The following PRKCZ variants were observed in gnomAD, a reference collection of about 807,000 sequenced individuals.
The protein encoded by PRKCZ is protein kinase C zeta type.
A neutral mutation model predicts 79.5 loss-of-function variants in PRKCZ; 33 were observed. The observed-to-expected ratio is 0.41, with a 90% confidence interval of 0.31 to 0.55. PRKCZ has a LOEUF of 0.55. Ranked by LOEUF, PRKCZ falls within the 20% of genes least tolerant of loss-of-function variation. The pLI, the probability that PRKCZ is intolerant of heterozygous loss-of-function variation, is 0.19. For missense variants in PRKCZ, 578 were observed against 813.5 expected (o/e 0.71, Z 3.52); for synonymous variants, 342 against 320.9 (o/e 1.07, Z -0.70).
intron 9 of PRKCZ, among the ~76,000 whole-genome samples, chr1:2,152,666 T>G (rs747521845): frequency 6.6e-6 from 1 of 152,200 alleles, no homozygotes; most frequent in Non-Finnish European, 1.5e-5. Context: ...CCATACCCAC[T>G]CCCTGCTTCT....
rs1685036069 is a variant in PRKCZ at position 2,174,339 on chromosome 1, C to T, written c.1405+323C>T. Among the ~76,000 whole-genome samples the T allele has an allele frequency of 6.6e-6, 1 of 152,230 alleles. No individual in the cohort carries two copies. Among genetic ancestry groups the T allele is most frequent in the Non-Finnish European group, 1.5e-5 (1 of 68,038 alleles). On this transcript the variant is annotated intron_variant, in intron 14 of 17. Transcript: ENST00000378567. This position sits in a 1 kb window ranked among gnomAD's most constrained non-coding sequence, Gnocchi z 6.2. ...ACCGAGCTGAAAGCACAGCCCCCAC[C>T]CCCAAAACCCACAGCCACCATCATG... is the stretch of plus-strand genomic sequence containing the variant.
At chr1:2,062,707 C>CG (rs1022477612) in intron 4 of PRKCZ, among the ~76,000 whole-genome samples, 3 of 151,874 alleles carry the variant, frequency 2.0e-5, no homozygotes, top group African/African-American at 7.3e-5. Context: ...AGGCTAGTCT[C>CG]GAACTCCTGG....
chr1:2,169,608 G>A lies in PRKCZ; in HGVS notation c.1061+4G>A. 2 of 1,500,026 alleles carry A rather than the reference G, an allele frequency of 1.3e-6. No individual in the cohort carries two copies. The highest frequency in any genetic ancestry group is 1.8e-6 in the Non-Finnish European group (2 of 1,115,506). 92.9% of individuals were successfully genotyped at this position (1,500,026 alleles called of 1,614,324 possible). On this transcript the variant is annotated splice_donor_region_variant and intron_variant, in intron 11 of 17. Coordinates refer to ENST00000378567, the MANE Select transcript of PRKCZ (RefSeq NM_002744.6). ...AGCTCCCTGAGGAGCACGCCAGGTG[G>A]GTGCGCGTGGACGGGGCCGGGTGGG...
In PRKCZ at chr1:2,165,108, G is replaced by A. The variant is rs544443471; in HGVS notation, c.975-4410G>A. 6.6e-6 allele frequency among the ~76,000 whole-genome samples: 1 copy of A among 152,322 alleles called. No individual in the cohort carries two copies. The highest frequency in any genetic ancestry group is 1.5e-5 in the Non-Finnish European group (1 of 68,034). On this transcript the variant is annotated intron_variant, in intron 10 of 17. Coordinates refer to ENST00000378567, the MANE Select transcript of PRKCZ (RefSeq NM_002744.6). This position sits in a 1 kb window ranked among gnomAD's most constrained non-coding sequence, Gnocchi z 4.1. ...TTTATCTTTGATGGAGAAATCCGAGGCCTGCCAGCATCCCCACCAGTAGAT... is the reference window on the plus strand; with the variant it reads ...TTTATCTTTGATGGAGAAATCCGAGACCTGCCAGCATCCCCACCAGTAGAT...
In PRKCZ at chr1:2,173,919, G is replaced by T. The variant is rs201456573; in HGVS notation, c.1308G>T (p.Ala436=). 1.2e-6 allele frequency: 2 copies of T among 1,612,012 alleles called. No individual in the cohort carries two copies. The highest frequency in any genetic ancestry group is 1.7e-6 in the Non-Finnish European group (2 of 1,179,012). The change falls in exon 14 of 18, where the codon GCG becomes GCT. Residue 436 remains alanine (A), a synonymous_variant. Coordinates refer to ENST00000378567, the MANE Select transcript of PRKCZ (RefSeq NM_002744.6). This position sits in a 1 kb window ranked among gnomAD's most constrained non-coding sequence, Gnocchi z 5.7. ...CAGGGTTCAGCGTGGACTGGTGGGC[G>T]CTGGGAGTCCTCATGTTTGAGATGA... ...EEYGFSVDWW[A]LGVLMFEMMA... is the part of the protein sequence containing the mutation.
intron 10 of PRKCZ, among the ~76,000 whole-genome samples, chr1:2,166,244 C>T (rs1418224708): frequency 1.3e-5 from 2 of 152,088 alleles, no homozygotes; most frequent in Non-Finnish European, 2.9e-5. Context: ...TATCTCGAGA[C>T]CCTTTCTCTA....
chr1:2,172,904 C>T lies in PRKCZ; in HGVS notation c.1285+516C>T, dbSNP rs933861681. On this transcript the variant is annotated intron_variant, in intron 13 of 17. Coordinates refer to ENST00000378567, the MANE Select transcript of PRKCZ (RefSeq NM_002744.6). The surrounding 1 kb of genome is among the most constrained non-coding windows in gnomAD (Gnocchi z 7.8). ...CGTGTGTGAAACGGGGACGTGGGCACGCGTGTGCAGCCGTGTGTGCGTGTG... is the reference window on the plus strand; with the variant it reads ...CGTGTGTGAAACGGGGACGTGGGCATGCGTGTGCAGCCGTGTGTGCGTGTG... 2.6e-5 allele frequency among the ~76,000 whole-genome samples: 4 copies of T among 151,980 alleles called. No individual in the cohort carries two copies. The highest frequency in any genetic ancestry group is 4.4e-5 in the Non-Finnish European group (3 of 68,008).
chr1:2,056,215 G>A (rs546399293), intron 2 of PRKCZ, among the ~76,000 whole-genome samples: 8 of 152,262 alleles, frequency 5.3e-5, no homozygotes, highest in Non-Finnish European at 7.4e-5. Flanking sequence ...CCTCAGCCCC[G>A]CTCACTGCTT....
intron 16 of PRKCZ, among the ~76,000 whole-genome samples, chr1:2,183,391 C>T (rs369178261): frequency 1.3e-5 from 2 of 151,164 alleles, no homozygotes; most frequent in South Asian, 4.2e-4. Flanking sequence ...AAGACTCCAT[C>T]TCAAAAAAAA....
chr1:2,146,235 GC>G (rs1678486156), intron 7 of PRKCZ, 127 bp downstream of exon 7: 2 of 912,568 alleles, frequency 2.2e-6, no homozygotes, highest in Admixed American at 2.3e-5. Flanking sequence ...TTCAAGCCTG[GC>G]CACCCTTCCC....
rs543724582 is a variant in PRKCZ, at chr1:2,134,991, C to G, written c.335-271C>G. On this transcript the variant is annotated intron_variant, in intron 4 of 17. Transcript: ENST00000378567. ...CTCCACTGTCAGCAAGCGGCCGTCC[C>G]GTGGTGGATCCTGTCCGCCCTGCGA... The G allele has an allele frequency of 2.4e-5, 7 of 292,614 alleles. No individual in the cohort carries two copies. In the South Asian group the frequency reaches 4.0e-4, roughly 17 times the overall value. 18.1% of individuals were successfully genotyped at this position (292,614 alleles called of 1,614,324 possible).
chr1:2,145,950 A>G lies in PRKCZ; in HGVS notation c.553-77A>G. 3.0e-6 allele frequency: 4 copies of G among 1,312,898 alleles called. No homozygotes were observed. The Admixed American group carries it at 7.2e-5, about 24-fold the overall frequency. 81.3% of individuals were successfully genotyped at this position (1,312,898 alleles called of 1,614,324 possible). On this transcript the variant is annotated intron_variant, in intron 6 of 17. Coordinates refer to ENST00000378567, the MANE Select transcript of PRKCZ (RefSeq NM_002744.6). Reference sequence around the variant, plus strand: ...AAAGTTCTTAATTTTAAAAAGTCACAAAGTGTTTACAGAAGCTACATTGTA... The same window carrying G: ...AAAGTTCTTAATTTTAAAAAGTCACGAAGTGTTTACAGAAGCTACATTGTA...
chr1:2,087,863 C>T (rs1338918904), intron 4 of PRKCZ, among the ~76,000 whole-genome samples: 3 of 152,168 alleles, frequency 2.0e-5, no homozygotes, highest in Non-Finnish European at 2.9e-5. Context: ...GTCCGGGCAC[C>T]GGGGGCAGCA....
chr1:2,146,660 C>T (rs1352365243), intron 7 of PRKCZ, among the ~76,000 whole-genome samples: 1 of 152,172 alleles, frequency 6.6e-6, no homozygotes, highest in African/African-American at 2.4e-5. Context: ...TTTGAGCCTC[C>T]ACACCTGCAC....
intron 1 of PRKCZ, among the ~76,000 whole-genome samples, chr1:2,052,535 G>A (rs1419784377): frequency 2.0e-5 from 3 of 150,692 alleles, no homozygotes; most frequent in East Asian, 2.0e-4. Context: ...TCTAGGGCAC[G>A]TCTCCCCTCT....
At chr1:2,092,313 A>G (rs2102493064) in intron 4 of PRKCZ, among the ~76,000 whole-genome samples, 1 of 152,276 alleles carries the variant, frequency 6.6e-6, no homozygotes, top group Non-Finnish European at 1.5e-5. Flanking sequence ...CTTTGTAGGG[A>G]AACCCTGCCC....
chr1:2,172,250 C>T lies in PRKCZ; in HGVS notation c.1198-51C>T. 4 of 1,613,432 alleles carry T rather than the reference C, an allele frequency of 2.5e-6. No individual in the cohort carries two copies. The highest frequency in any genetic ancestry group is 3.4e-6 in the Non-Finnish European group (4 of 1,180,006). ...GCATGTGCGTCTCGGGGCGCCTGTC[C>T]CGCGGGGTAGTGTCTACAAGAACCC... On this transcript the variant is annotated intron_variant, in intron 12 of 17. Transcript: ENST00000378567. The surrounding 1 kb of genome is among the most constrained non-coding windows in gnomAD (Gnocchi z 7.8).
At chr1:2,073,566 C>T (rs975183794) in intron 4 of PRKCZ, 10 of 954,636 alleles carry the variant, frequency 1.0e-5, no homozygotes, top group Admixed American at 1.2e-4. Flanking sequence ...GGCTGCTGCC[C>T]GCCCGCTCTC....
In PRKCZ at chr1:2,182,677, C is replaced by T. The variant is rs138848308; in HGVS notation, c.1576-1906C>T. ...CTGGCTGGCACCGAAGGGAGCAGCG[C>T]GCCGTGACATCCTCCCCTCAAGCCT... On this transcript the variant is annotated intron_variant, in intron 16 of 17. Transcript: ENST00000378567. 1,240 of 154,946 alleles carry T rather than the reference C, an allele frequency of 8.0e-3. 11 individuals carry two copies. Among genetic ancestry groups the T allele is most frequent in the Non-Finnish European group, 0.012 (813 of 68,266 alleles). The allele number at this position is 154,946 out of a possible 1,614,324, so 9.6% of individuals were successfully genotyped here.
Sources: allele counts gnomAD v4.1 joint callset (sites outside exome capture counted in the v4.1 genomes callset), GRCh38; gene constraint gnomAD v4.1.1; non-coding constraint Gnocchi (gnomAD v3.1); transcripts MANE v1.5; gene names NCBI Gene and HGNC (gene_info 2026-07-23, HGNC 2026-07-21).